The following TRPM3 variants were observed in gnomAD, a reference collection of about 807,000 sequenced individuals.
TRPM3 encodes the protein long transient receptor potential channel 3.
A neutral mutation model predicts 181.2 loss-of-function variants in TRPM3; 77 were observed. That is an observed-to-expected ratio of 0.42 (90% CI 0.35 to 0.51). The LOEUF (loss-of-function observed/expected upper bound fraction) is 0.51. Ranked by LOEUF, TRPM3 falls within the 20% of genes least tolerant of loss-of-function variation. The pLI is 0.01. For synonymous variants in TRPM3, 745 were observed against 796.4 expected, an observed-to-expected ratio of 0.94 and a Z score of 1.09; for missense variants, 1,759 against 2,196.7, an observed-to-expected ratio of 0.80 and a Z score of 3.98.
At chr9:70,596,612 TC>T (rs2059072228) in intron 21 of TRPM3, among the ~76,000 whole-genome samples, 1 of 151,030 alleles carries the variant, frequency 6.6e-6, no homozygotes, top group Admixed American at 6.6e-5. Context: ...GTGACTGTAG[TC>T]CCAGCTGCTC....
rs1190150128 is a variant in TRPM3 at position 71,331,691 on chromosome 9, A to AAGGAGAAAAAGG, written c.183+114950_183+114961dup. Among the ~76,000 whole-genome samples the AAGGAGAAAAAGG allele has an allele frequency of 2.4e-3, 250 of 102,856 alleles. 1 individual carries two copies. The highest frequency in any genetic ancestry group is 8.8e-3 in the African/African-American group (232 of 26,510). 67.5% of individuals were successfully genotyped at this position (102,856 alleles called of 152,430 possible). On this transcript the variant is annotated intron_variant, in intron 1 of 24. Transcript: ENST00000357533. ...GGAGGAGGAGGAGGAGGGAGAGGAG[A>AAGGAGAAAAAGG]AGGAGAAAAAGGAGGAGAAAAAGGA...
intron 1 of TRPM3, among the ~76,000 whole-genome samples, chr9:70,983,078 G>C (rs75992880): frequency 3.2e-4 from 48 of 152,170 alleles, no homozygotes; most frequent in African/African-American, 1.1e-3. Flanking sequence ...GTGCCATCAT[G>C]GTAGCATTTG....
At chr9:70,828,760 C>G (rs907984126) in intron 5 of TRPM3, among the ~76,000 whole-genome samples, 1 of 145,148 alleles carries the variant, frequency 6.9e-6, no homozygotes, top group African/African-American at 2.5e-5. Context: ...TTGCTCTATA[C>G]ATGTTATCTA....
At chr9:71,227,592 A>G (rs2131885501) in intron 1 of TRPM3, among the ~76,000 whole-genome samples, 1 of 152,060 alleles carries the variant, frequency 6.6e-6, no homozygotes, top group Middle Eastern at 3.4e-3. Context: ...ACCTTTAGCC[A>G]GATTAACCAG....
chr9:71,129,502 T>C (rs750773889), intron 1 of TRPM3, among the ~76,000 whole-genome samples: 16 of 152,202 alleles, frequency 1.1e-4, no homozygotes, highest in Non-Finnish European at 2.2e-4. Flanking sequence ...CATTTAGTTA[T>C]CATAACAAAC....
chr9:71,205,482 T>G (rs565951855), intron 1 of TRPM3, among the ~76,000 whole-genome samples: 12 of 152,160 alleles, frequency 7.9e-5, no homozygotes, highest in African/African-American at 2.2e-4. Flanking sequence ...GGAATGGACC[T>G]TGGAGGGAGG....
intron 1 of TRPM3, among the ~76,000 whole-genome samples, chr9:71,314,114 G>T (rs2088294485): frequency 6.6e-6 from 1 of 151,776 alleles, no homozygotes; most frequent in African/African-American, 2.4e-5. Context: ...AATGTTGCTG[G>T]GCATTATAAT....
intron 7 of TRPM3, among the ~76,000 whole-genome samples, chr9:70,762,746 A>G (rs576328208): frequency 6.6e-6 from 1 of 152,344 alleles, no homozygotes; most frequent in Admixed American, 6.5e-5. Flanking sequence ...CAGGCAGGAC[A>G]TTTTAGCCAG....
chr9:71,008,057 C>A (rs2097698702), intron 1 of TRPM3, among the ~76,000 whole-genome samples: 1 of 151,680 alleles, frequency 6.6e-6, no homozygotes, highest in African/African-American at 2.4e-5. Context: ...AAAGAAGACA[C>A]AAATAAATAA....
chr9:71,191,323 T>C (rs1411090048), intron 1 of TRPM3, among the ~76,000 whole-genome samples: 2 of 151,850 alleles, frequency 1.3e-5, no homozygotes, highest in African/African-American at 2.4e-5. Context: ...TTTATTTGCT[T>C]TTTGTCTATA....
intron 1 of TRPM3, among the ~76,000 whole-genome samples, chr9:71,044,448 A>G (rs1027571634): frequency 2.0e-5 from 3 of 151,814 alleles, no homozygotes; most frequent in Admixed American, 1.3e-4. Flanking sequence ...TTTTCCACCA[A>G]TTTTCTTGTA....
At chr9:70,989,156 T>C (rs923686174) in intron 1 of TRPM3, among the ~76,000 whole-genome samples, 4 of 152,188 alleles carry the variant, frequency 2.6e-5, no homozygotes, top group African/African-American at 4.8e-5. Flanking sequence ...TATATACATA[T>C]CATGGAATCA....
In TRPM3 at chr9:70,535,618, G is replaced by A. The variant is rs1261096044; in HGVS notation, c.*335C>T. On this transcript the variant is annotated 3_prime_UTR_variant, in exon 26 of 26. Transcript: ENST00000677713. ...CAACAGATGCCTCCTGGCATGGAGC[G>A]TGCTCGAAGCCCCTTGTTTCCCCTG... is the stretch of plus-strand genomic sequence containing the variant. 11 of 1,464,848 alleles carry A rather than the reference G, an allele frequency of 7.5e-6. No individual in the cohort carries two copies. The highest frequency in any genetic ancestry group is 4.3e-5 in the South Asian group (3 of 69,880). The allele number at this position is 1,464,848 out of a possible 1,614,324, so 90.7% of individuals were successfully genotyped here.
At chr9:70,972,003 G>T (rs1334059671) in intron 1 of TRPM3, among the ~76,000 whole-genome samples, 2 of 152,146 alleles carry the variant, frequency 1.3e-5, no homozygotes. Flanking sequence ...ATACATAATG[G>T]TTTAGCTGCT....
At chr9:70,998,044 G>T (rs543983446) in intron 1 of TRPM3, among the ~76,000 whole-genome samples, 22 of 151,528 alleles carry the variant, frequency 1.5e-4, no homozygotes, top group African/African-American at 5.1e-4. Flanking sequence ...TTGTTCTCGG[G>T]TTATGGGTGT....
chr9:70,886,957 G>T (rs994663970), intron 1 of TRPM3, among the ~76,000 whole-genome samples: 2 of 152,146 alleles, frequency 1.3e-5, no homozygotes, highest in African/African-American at 4.8e-5. Flanking sequence ...GAACCACCGT[G>T]CCCGGAGAGT....
chr9:70,960,342 C>T (rs932691726), intron 1 of TRPM3, among the ~76,000 whole-genome samples: 1 of 152,140 alleles, frequency 6.6e-6, no homozygotes, highest in Admixed American at 6.6e-5. Flanking sequence ...CTTCTGGCTG[C>T]CTCCAGGTGA....
intron 7 of TRPM3, among the ~76,000 whole-genome samples, chr9:70,776,885 C>T (rs1378982951): frequency 6.6e-6 from 1 of 152,156 alleles, no homozygotes; most frequent in Non-Finnish European, 1.5e-5. Flanking sequence ...AATGGAATCA[C>T]CTGGGGTTTG....
At chr9:70,917,567 T>TCGCCCAGGC in intron 1 of TRPM3, 1 of 591,888 alleles carries the variant, frequency 1.7e-6, no homozygotes, top group Non-Finnish European at 3.1e-6. Context: ...TGTTAAGTTG[T>TCGCCCAGGC]TATATCAACT....
Sources: gnomAD v4.1 joint callset for allele counts (sites outside exome capture counted in the v4.1 genomes callset) on GRCh38, gnomAD v4.1.1 for gene constraint, MANE v1.5 for transcripts, NCBI Gene and HGNC (gene_info 2026-07-23, HGNC 2026-07-21) for gene names.